COBL: variants seen among roughly 807,000 people sequenced by gnomAD.
COBL encodes protein cordon-bleu.
Under a neutral mutation model 98.8 loss-of-function variants are expected in COBL, and 51 were observed. The ratio of observed to expected loss-of-function variants is 0.52; its 90% CI spans 0.41 to 0.65. The LOEUF (loss-of-function observed/expected upper bound fraction) is 0.65, where lower values mean the gene tolerates loss of function less well. Ranked by LOEUF, COBL falls within the 30% of genes least tolerant of loss-of-function variation. The probability of loss-of-function intolerance (pLI) is 0.00; values close to 1 mark genes in which losing one functional copy is unlikely to be tolerated. For missense variants in COBL, 1,617 were observed against 1,617.5 expected, an observed-to-expected ratio of 1.00 and a Z score of 0.01; for synonymous variants, 634 against 651.7, an observed-to-expected ratio of 0.97 and a Z score of 0.41.
intron 1 of COBL, among the ~76,000 whole-genome samples, chr7:51,253,526 G>A (rs1164931893): frequency 6.6e-6 from 1 of 152,208 alleles, no homozygotes; most frequent in Non-Finnish European, 1.5e-5. Flanking sequence ...GTAACTATTG[G>A]AAAGGTATCA....
intron 1 of COBL, among the ~76,000 whole-genome samples, chr7:51,224,371 A>T (rs1211982727): frequency 7.2e-4 from 3 of 4,162 alleles, no homozygotes; most frequent in African/African-American, 3.1e-3. Flanking sequence ...AATGAAAAAG[A>T]GATTGCAGAA....
At chr7:51,199,164 C>G (rs1584141803) in intron 2 of COBL, among the ~76,000 whole-genome samples, 2 of 152,184 alleles carry the variant, frequency 1.3e-5, no homozygotes, top group Non-Finnish European at 2.9e-5. Context: ...CAGCCCCTCT[C>G]CACTGTGGCC....
chr7:51,234,921 G>GGAGGGAGAGAGAAGA (rs1487045097), intron 1 of COBL, among the ~76,000 whole-genome samples: 1 of 151,966 alleles, frequency 6.6e-6, no homozygotes, highest in East Asian at 1.9e-4. Context: ...AGGAGGTGAG[G>GGAGGGAGAGAGAAGA]GAGGGAGAGA....
rs751212887 is a variant in COBL, at chr7:51,025,264, C to T, written c.3613G>A (p.Ala1205Thr). The change falls in exon 12 of 13, where the codon GCC becomes ACC. Residue 1205 changes from alanine to threonine, a missense_variant. Coordinates refer to ENST00000265136, the MANE Select transcript of COBL (RefSeq NM_015198.5). ...LEDLGLLSPP[A>T]IPPPPPPPSQ... ...GGTGGAGGGGGTGGTGGGGGAATGG[C>T]TGGTGGGGACAGAAGACCAAGGTCT... The T allele has an allele frequency of 1.2e-6, 2 of 1,607,146 alleles. No homozygotes were observed. Among genetic ancestry groups the T allele is most frequent in the Non-Finnish European group, 1.7e-6 (2 of 1,177,530 alleles).
intron 5 of COBL, among the ~76,000 whole-genome samples, chr7:51,141,296 G>A (rs1310944395): frequency 6.6e-6 from 1 of 152,144 alleles, no homozygotes; most frequent in African/African-American, 2.4e-5. Context: ...AAGGTTAAGG[G>A]ATATGTTTTG....
intron 2 of COBL, among the ~76,000 whole-genome samples, chr7:51,203,440 C>T (rs1282199101): frequency 1.4e-4 from 12 of 88,826 alleles, no homozygotes; most frequent in South Asian, 3.6e-4. Flanking sequence ...CCAGCCTGGG[C>T]GACAGAGCGA....
chr7:51,146,664 A>AG (rs1771023548), intron 5 of COBL, among the ~76,000 whole-genome samples: 1 of 81,004 alleles, frequency 1.2e-5, no homozygotes, highest in South Asian at 5.4e-4. Flanking sequence ...GGGCGGGGGG[A>AG]GGGGGGCAAT....
At chr7:51,153,159 C>T (rs568516589) in intron 5 of COBL, among the ~76,000 whole-genome samples, 15 of 152,146 alleles carry the variant, frequency 9.9e-5, no homozygotes, top group East Asian at 3.9e-4. Flanking sequence ...GTGCACACTC[C>T]GGTGAGAAGC....
rs561832187 is a variant in COBL, at chr7:51,112,615, TC to T, written c.957+23542del. On this transcript the variant is annotated intron_variant, in intron 6 of 12. Coordinates refer to ENST00000265136, the MANE Select transcript of COBL (RefSeq NM_015198.5). Reference sequence around the variant, plus strand: ...AGTATTTGACTAATAGCTGAAATCCTCCCCTCATTTAGGCCTTGCATGGGGT... The same window carrying T: ...AGTATTTGACTAATAGCTGAAATCCTCCCTCATTTAGGCCTTGCATGGGGT... 1.5e-4 allele frequency among the ~76,000 whole-genome samples: 23 copies of T among 152,286 alleles called. No individual in the cohort carries two copies. In the South Asian group the frequency reaches 4.6e-3, roughly 30 times the overall value.
chr7:51,035,862 C>T (rs1215183737), intron 8 of COBL: 3 of 152,144 alleles, frequency 2.0e-5, no homozygotes, highest in Non-Finnish European at 4.4e-5. Flanking sequence ...TTTAAACACT[C>T]CTTTGTAAAT....
At chr7:51,077,512 T>A (rs1435586567) in intron 7 of COBL, among the ~76,000 whole-genome samples, 3 of 152,230 alleles carry the variant, frequency 2.0e-5, no homozygotes, top group Non-Finnish European at 4.4e-5. Flanking sequence ...CACGAGTTTG[T>A]TCTTTGGCCA....
At position 51,310,787 on chromosome 7, in the gene COBL, T is replaced by C. The variant is rs192757385; in HGVS notation, c.41+5806A>G. ...GATTCTCCTGCCTCAGCCTCCCAAG[T>C]AGCTGGGACTACAGGCATGTGCCAC... On this transcript the variant is annotated intron_variant, in intron 1 of 12. Coordinates refer to ENST00000265136, the MANE Select transcript of COBL (RefSeq NM_015198.5). Among the ~76,000 whole-genome samples, 92 of 152,318 alleles carry C rather than the reference T, an allele frequency of 6.0e-4. 1 individual carries two copies. In the East Asian group the frequency reaches 0.017, roughly 28 times the overall value.
chr7:51,203,189 T>C (rs1206566623), intron 2 of COBL, among the ~76,000 whole-genome samples: 1 of 150,556 alleles, frequency 6.6e-6, no homozygotes, highest in Non-Finnish European at 1.5e-5. Context: ...ATAACTGAAA[T>C]AGAGAACAGA....
In COBL at chr7:51,067,046, G is replaced by A. The variant is rs1445176017; in HGVS notation, c.1096+18120C>T. ...ACAATAACTTCTGGGAGGCCAAAGT[G>A]GACAAGTTCAGAATCCTTGCAAAGC... On this transcript the variant is annotated intron_variant, in intron 7 of 12. Transcript: ENST00000265136. Among the ~76,000 whole-genome samples the A allele has an allele frequency of 2.0e-5, 3 of 152,210 alleles. No individual in the cohort carries two copies. In the East Asian group the frequency reaches 5.8e-4, roughly 29 times the overall value.
chr7:51,185,163 A>C (rs929851393), intron 4 of COBL, among the ~76,000 whole-genome samples: 1 of 152,208 alleles, frequency 6.6e-6, no homozygotes, highest in African/African-American at 2.4e-5. Flanking sequence ...TGTGTCTGTC[A>C]GCTGACAAGA....
intron 1 of COBL, among the ~76,000 whole-genome samples, chr7:51,226,522 T>TTGAGTGAGTGAGTGAGTGAGTGAGTGAG (rs3081930): frequency 1.4e-4 from 21 of 150,432 alleles, no homozygotes; most frequent in African/African-American, 2.2e-4. Context: ...CACCACTGCG[T>TTGAGTGAGTGAGTGAGTGAGTGAGTGAG]TGAGTGAGTG....
At position 51,046,782 on chromosome 7, in the gene COBL, CT is replaced by C. The variant is rs551993700; in HGVS notation, c.1097-3091del. ...TCTGTCCAGCCTCTGAGGGGCTTCC[CT>C]AGAGCCAGCGATCCAGGGACCCCAG... is the stretch of plus-strand genomic sequence containing the variant. On this transcript the variant is annotated intron_variant, in intron 7 of 12. Transcript: ENST00000265136. 3.7e-3 allele frequency among the ~76,000 whole-genome samples: 563 copies of C among 152,214 alleles called. 5 individuals carry two copies. Among genetic ancestry groups the C allele is most frequent in the African/African-American group, 0.013 (535 of 41,536 alleles).
chr7:51,151,532 T>C (rs1047741942), intron 5 of COBL, among the ~76,000 whole-genome samples: 7 of 152,234 alleles, frequency 4.6e-5, no homozygotes, highest in Non-Finnish European at 7.3e-5. Context: ...ACTAACGTTC[T>C]GATTTTTTAA....
chr7:51,304,566 G>C (rs964621461), intron 1 of COBL, among the ~76,000 whole-genome samples: 3 of 152,154 alleles, frequency 2.0e-5, no homozygotes, highest in Non-Finnish European at 4.4e-5. Flanking sequence ...TCTACCATAA[G>C]AAAACAAATG....
Sources: gnomAD v4.1 joint callset for allele counts (sites outside exome capture counted in the v4.1 genomes callset) on GRCh38, gnomAD v4.1.1 for gene constraint, MANE v1.5 for transcripts, NCBI Gene and HGNC (gene_info 2026-07-23, HGNC 2026-07-21) for gene names.